CRYBG3: variants seen among roughly 807,000 people sequenced by gnomAD.
CRYBG3 encodes the protein very large A-kinase anchor protein.
A neutral mutation model predicts 244.2 loss-of-function variants in CRYBG3; 127 were observed. That is an observed-to-expected ratio of 0.52 (90% CI 0.45 to 0.60). CRYBG3 has a LOEUF of 0.60. Among genes scored for constraint, CRYBG3 ranks in the 20% least tolerant of loss-of-function variants. The pLI is 0.00. For synonymous variants in CRYBG3, 1,132 were observed against 1,195.8 expected (o/e 0.95, Z 1.10); for missense variants, 3,325 against 3,442.5 (o/e 0.97, Z 0.85).
intron 9 of CRYBG3, 22 bp downstream of exon 9, chr3:97,888,477 C>T (rs2039534948): frequency 6.9e-7 from 1 of 1,457,364 alleles, no homozygotes; most frequent in Non-Finnish European, 9.6e-7. Flanking sequence ...TAAAAAGAAG[C>T]ATTCCTTTTC....
chr3:97,933,912 G>T (rs929664575), intron 18 of CRYBG3, 79 bp downstream of exon 18: 37 of 1,253,794 alleles, frequency 3.0e-5, no homozygotes, highest in Non-Finnish European at 4.2e-5. Flanking sequence ...CAAGTCCACT[G>T]TGTAGTAGTA....
At chr3:97,867,127 A>G (rs146138456) in intron 3 of CRYBG3, 31 of 152,350 alleles carry the variant, frequency 2.0e-4, no homozygotes, top group African/African-American at 7.2e-4. Context: ...AGCCTGACCA[A>G]CATGGAGAAA....
At chr3:97,851,528 T>C (rs914765276) in intron 2 of CRYBG3, among the ~76,000 whole-genome samples, 24 of 152,120 alleles carry the variant, frequency 1.6e-4, no homozygotes, top group African/African-American at 5.8e-4. Flanking sequence ...TAGAAGGAAT[T>C]TTCCAGGCAA....
chr3:97,909,723 C>T (rs1489320963), intron 15 of CRYBG3, among the ~76,000 whole-genome samples: 2 of 151,654 alleles, frequency 1.3e-5, no homozygotes, highest in African/African-American at 2.4e-5. Flanking sequence ...GTAATTTGAT[C>T]GTCTGAAGCC....
chr3:97,828,825 T>A (rs1576505738), intron 1 of CRYBG3, among the ~76,000 whole-genome samples: 1 of 75,020 alleles, frequency 1.3e-5, no homozygotes. Flanking sequence ...TGAAACTCCA[T>A]CTCAAAAAAA....
chr3:97,895,270 A>G (rs1230434983), intron 11 of CRYBG3, among the ~76,000 whole-genome samples: 5 of 152,180 alleles, frequency 3.3e-5, no homozygotes, highest in Admixed American at 2.6e-4. Context: ...TAAAAAGGTA[A>G]GTTTTATGGA....
intron 1 of CRYBG3, among the ~76,000 whole-genome samples, chr3:97,832,323 A>G (rs1431321895): frequency 6.6e-6 from 1 of 152,116 alleles, no homozygotes; most frequent in East Asian, 1.9e-4. Flanking sequence ...AAACCATATT[A>G]GAAGGCTACA....
In CRYBG3 at chr3:97,864,357, A is replaced by G; in HGVS notation, c.357A>G (p.Glu119=). The part of the protein sequence containing the change: ...KIGESDRQPK[E]SFFQFLGNLF... Reference sequence around the variant, plus strand: ...GAGAAAGTGACAGACAGCCAAAAGAAAGCTTTTTTCAGTTTCTTGGTAACT... The same window carrying G: ...GAGAAAGTGACAGACAGCCAAAAGAGAGCTTTTTTCAGTTTCTTGGTAACT... Residue 119 remains glutamate, a synonymous_variant, in exon 3 of 22, where the codon GAA becomes GAG. Coordinates refer to ENST00000389622, the MANE Select transcript of CRYBG3 (RefSeq NM_153605.4). 6.5e-7 allele frequency: 1 copy of G among 1,535,968 alleles called. No homozygotes were observed. Among genetic ancestry groups the G allele is most frequent in the Non-Finnish European group, 8.7e-7 (1 of 1,146,818 alleles).
chr3:97,870,472 T>C (rs938279316), intron 3 of CRYBG3, among the ~76,000 whole-genome samples: 20 of 152,194 alleles, frequency 1.3e-4, no homozygotes, highest in Admixed American at 2.0e-4. Flanking sequence ...ACGATTTTCT[T>C]CTTTTTTATT....
rs1385682517 is a variant in CRYBG3, at chr3:97,899,214, A to T, written c.7922A>T (p.Asp2641Val). 6.2e-7 allele frequency: 1 copy of T among 1,613,608 alleles called. No homozygotes were observed. The highest frequency in any genetic ancestry group is 8.5e-7 in the Non-Finnish European group (1 of 1,179,804). ...LEKGKYKCFF[D>V]WGGSNNIIMS... ...AAAGGGAAATACAAATGCTTTTTTG[A>T]CTGGGGAGGATCAAATAATATAATC... The change falls in exon 14 of 22, where the codon GAC (aspartate) becomes GTC (valine). Residue 2641 changes from aspartate to valine, a missense_variant. By Grantham distance (152) the Asp-to-Val change is radical. Transcript: ENST00000389622.
Position 97,918,870 on chromosome 3 carries a change from C to G in CRYBG3, c.8241+3134C>G, listed in dbSNP as rs187711520. 2.0e-5 allele frequency among the ~76,000 whole-genome samples: 3 copies of G among 152,280 alleles called. No individual in the cohort carries two copies. In the East Asian group the frequency reaches 5.8e-4, roughly 29 times the overall value. ...CACAATCACAGAGTCACATTTGAAG[C>G]TTCTGCTCAGATTCATTTTGCCTAT... On this transcript the variant is annotated intron_variant, in intron 17 of 21. Coordinates refer to ENST00000389622, the MANE Select transcript of CRYBG3 (RefSeq NM_153605.4).
intron 7 of CRYBG3, among the ~76,000 whole-genome samples, chr3:97,882,434 T>A (rs1023198200): frequency 2.0e-5 from 3 of 151,950 alleles, no homozygotes; most frequent in Non-Finnish European, 4.4e-5. Context: ...GAAGGGAAGG[T>A]ATTTTTTACT....
At chr3:97,920,718 C>T (rs746866515) in intron 17 of CRYBG3, among the ~76,000 whole-genome samples, 3 of 151,916 alleles carry the variant, frequency 2.0e-5, no homozygotes, top group Non-Finnish European at 2.9e-5. Flanking sequence ...TTAGTAGAGA[C>T]GGGGTTTCAC....
At chr3:97,911,667 G>T (rs1446674254) in intron 15 of CRYBG3, among the ~76,000 whole-genome samples, 2 of 152,170 alleles carry the variant, frequency 1.3e-5, no homozygotes, top group African/African-American at 2.4e-5. Flanking sequence ...TTGCTTAAGG[G>T]CATGTGCTCG....
At chr3:97,898,496 A>C (rs2039665337) in intron 12 of CRYBG3, among the ~76,000 whole-genome samples, 1 of 152,114 alleles carries the variant, frequency 6.6e-6, no homozygotes, top group Non-Finnish European at 1.5e-5. Context: ...ATTACATTTA[A>C]GCTCATAAAA....
chr3:97,941,372 C>T (rs2040228385), intron 20 of CRYBG3, 66 bp downstream of exon 20: 14 of 1,184,810 alleles, frequency 1.2e-5, no homozygotes, highest in Non-Finnish European at 1.3e-5. Flanking sequence ...AACTAGAATC[C>T]TGTCAAATCA....
intron 15 of CRYBG3, among the ~76,000 whole-genome samples, chr3:97,904,678 T>C (rs992699241): frequency 2.6e-5 from 4 of 151,088 alleles, no homozygotes; most frequent in Admixed American, 1.3e-4. Flanking sequence ...TTATTTTTTT[T>C]ATTTTTTATT....
At chr3:97,941,088 G>C (rs2040223196) in intron 19 of CRYBG3, 60 bp from the exon 20 acceptor site, 6 of 1,444,894 alleles carry the variant, frequency 4.2e-6, no homozygotes, top group Admixed American at 3.8e-5. Context: ...TTCCTCCTCT[G>C]GAAGGATTCA....
At position 97,875,083 on chromosome 3, in the gene CRYBG3, G is replaced by A; in HGVS notation, c.3889G>A (p.Val1297Ile). The A allele has an allele frequency of 6.5e-7, 1 of 1,533,676 alleles. No individual in the cohort carries two copies. Among genetic ancestry groups the A allele is most frequent in the Non-Finnish European group, 8.7e-7 (1 of 1,145,658 alleles). ...NLLVDPNSMNVSCLLEDKARE... is the reference protein window; with the variant it reads ...NLLVDPNSMNISCLLEDKARE... ...TCTTGTTGATCCTAATAGTATGAATGTATCTTGTTTGTTAGAAGATAAAGC... is the reference window on the plus strand; with the variant it reads ...TCTTGTTGATCCTAATAGTATGAATATATCTTGTTTGTTAGAAGATAAAGC... The change falls in exon 4 of 22, where the codon GTA (valine) becomes ATA (isoleucine). Residue 1297 changes from valine to isoleucine, a missense_variant. By Grantham distance (29) the Val-to-Ile change is conservative. Transcript: ENST00000389622.
Sources: allele counts gnomAD v4.1 joint callset (sites outside exome capture counted in the v4.1 genomes callset), GRCh38; gene constraint gnomAD v4.1.1; transcripts MANE v1.5; gene names NCBI Gene and HGNC (gene_info 2026-07-23, HGNC 2026-07-21).